Variants in SNTG1 observed in about 807,000 individuals in gnomAD.
SNTG1 encodes the protein gamma-1-syntrophin.
SNTG1 carries 39 observed loss-of-function variants against 74.7 expected under a neutral mutation model. That is an observed-to-expected ratio of 0.52 (90% CI 0.40 to 0.68). The LOEUF is 0.68. Among genes scored for constraint, SNTG1 ranks in the 30% least tolerant of loss-of-function variants. The pLI is 0.00. For missense variants in SNTG1, 685 were observed against 609.5 expected (o/e 1.12, Z -1.30); for synonymous variants, 254 against 217.1 (o/e 1.17, Z -1.49).
intron 10 of SNTG1, among the ~76,000 whole-genome samples, chr8:50,534,447 T>A (rs2094293181): frequency 6.6e-6 from 1 of 152,138 alleles, no homozygotes; most frequent in Admixed American, 6.5e-5. Flanking sequence ...TATTGCTTCT[T>A]CATGTTCCCT....
At chr8:50,261,530 A>G (rs1438367452) in intron 2 of SNTG1, among the ~76,000 whole-genome samples, 1 of 152,164 alleles carries the variant, frequency 6.6e-6, no homozygotes, top group Non-Finnish European at 1.5e-5. Flanking sequence ...AATAGACAAC[A>G]GATTACTACT....
chr8:50,102,430 T>C (rs1214911815), intron 1 of SNTG1, among the ~76,000 whole-genome samples: 1 of 148,944 alleles, frequency 6.7e-6, no homozygotes, highest in Non-Finnish European at 1.5e-5. Context: ...TGTAAATTTG[T>C]TTGAGTTCAT....
intron 2 of SNTG1, among the ~76,000 whole-genome samples, chr8:50,226,289 A>C (rs2132027703): frequency 6.6e-6 from 1 of 152,248 alleles, no homozygotes; most frequent in South Asian, 2.1e-4. Context: ...CTCACTTTCC[A>C]ATCTGACTCT....
At chr8:50,616,517 C>A (rs1486205207) in intron 13 of SNTG1, among the ~76,000 whole-genome samples, 2 of 152,198 alleles carry the variant, frequency 1.3e-5, no homozygotes, top group Non-Finnish European at 2.9e-5. Flanking sequence ...GTGAAAAAGC[C>A]TTGCTGGAGT....
intron 9 of SNTG1, among the ~76,000 whole-genome samples, chr8:50,507,174 T>C (rs1460269548): frequency 6.6e-6 from 1 of 152,100 alleles, no homozygotes; most frequent in Non-Finnish European, 1.5e-5. Flanking sequence ...ATTTCAGGAA[T>C]AAGTCACACT....
At chr8:50,537,451 C>G (rs1194451014) in intron 11 of SNTG1, among the ~76,000 whole-genome samples, 1 of 152,146 alleles carries the variant, frequency 6.6e-6, no homozygotes, top group Admixed American at 6.6e-5. Context: ...ATATTATTAT[C>G]TATTTTAGTA....
In SNTG1 at chr8:50,553,073, C is replaced by T. The variant is rs755805042; in HGVS notation, c.704C>T (p.Ala235Val). ...AGGCAGAATGCCTTTCAAGTCATTG[C>T]TGTGGATGGGGTCTGCACTGGGATT... ...LSRQNAFQVI[A>V]VDGVCTGIIQ... Residue 235 changes from alanine to valine, a missense_variant, in exon 12 of 19, where the codon GCT (alanine) becomes GTT (valine). Physicochemically the swap from Ala to Val is moderately conservative, Grantham distance 64 (BLOSUM62 0). Transcript: ENST00000642720. 6.2e-7 allele frequency: 1 copy of T among 1,613,746 alleles called. No homozygotes were observed.
At chr8:50,604,140 T>A (rs2094794938) in intron 13 of SNTG1, among the ~76,000 whole-genome samples, 1 of 152,194 alleles carries the variant, frequency 6.6e-6, no homozygotes, top group Non-Finnish European at 1.5e-5. Context: ...AGAAATCTAC[T>A]GGGTACAGAG....
intron 18 of SNTG1, among the ~76,000 whole-genome samples, chr8:50,787,323 TA>T (rs1554635417): frequency 1.3e-5 from 2 of 151,726 alleles, no homozygotes; most frequent in South Asian, 2.1e-4. Context: ...AATATTTTTT[TA>T]AAAAAAGAAA....
intron 9 of SNTG1, among the ~76,000 whole-genome samples, chr8:50,505,360 A>G (rs2093997313): frequency 6.6e-6 from 1 of 152,168 alleles, no homozygotes; most frequent in Admixed American, 6.6e-5. Flanking sequence ...CAGAAGTGGG[A>G]TTCCTGGATC....
chr8:50,175,075 G>C (rs2082947788), intron 2 of SNTG1, among the ~76,000 whole-genome samples: 1 of 151,998 alleles, frequency 6.6e-6, no homozygotes, highest in Non-Finnish European at 1.5e-5. Flanking sequence ...GTATTCCATG[G>C]TGTATATTTG....
intron 2 of SNTG1, among the ~76,000 whole-genome samples, chr8:50,255,441 C>G (rs1208328334): frequency 6.6e-6 from 1 of 152,160 alleles, no homozygotes; most frequent in Non-Finnish European, 1.5e-5. Context: ...AAGTGGCACT[C>G]AGTAGGTGGC....
intron 1 of SNTG1, among the ~76,000 whole-genome samples, chr8:50,080,725 G>A (rs531873651): frequency 1.3e-5 from 2 of 152,208 alleles, no homozygotes; most frequent in East Asian, 3.9e-4. Context: ...TGATCAATTT[G>A]TTATTGTAGT....
chr8:50,783,993 T>G (rs1370559838), intron 18 of SNTG1, among the ~76,000 whole-genome samples: 1 of 152,164 alleles, frequency 6.6e-6, no homozygotes, highest in African/African-American at 2.4e-5. Context: ...TTTATCAAAG[T>G]AAGGGAGAAT....
At chr8:50,021,970 AAAGAAG>A (rs1335139894) in intron 1 of SNTG1, among the ~76,000 whole-genome samples, 2 of 151,844 alleles carry the variant, frequency 1.3e-5, no homozygotes, top group Admixed American at 6.6e-5. Flanking sequence ...ATAAAAATAA[AAAGAAG>A]AAGAAGAAGA....
At chr8:50,420,819 G>A (rs1200240982) in intron 4 of SNTG1, among the ~76,000 whole-genome samples, 2 of 151,878 alleles carry the variant, frequency 1.3e-5, no homozygotes, top group Admixed American at 1.3e-4. Flanking sequence ...GAGGCCAAGA[G>A]ATCAAGACCA....
intron 1 of SNTG1, among the ~76,000 whole-genome samples, chr8:49,959,253 T>C (rs2129677940): frequency 6.6e-6 from 1 of 152,344 alleles, no homozygotes; most frequent in Non-Finnish European, 1.5e-5. Context: ...AAGAGCATGC[T>C]GGTGAAAAGC....
At chr8:50,282,510 A>G (rs1408343137) in intron 2 of SNTG1, among the ~76,000 whole-genome samples, 2 of 152,198 alleles carry the variant, frequency 1.3e-5, no homozygotes, top group Admixed American at 6.6e-5. Flanking sequence ...CTTTTTAGCC[A>G]GGTGCTAGAC....
chr8:50,647,920 C>T (rs2095120629), intron 13 of SNTG1, among the ~76,000 whole-genome samples: 1 of 151,820 alleles, frequency 6.6e-6, no homozygotes. Context: ...AAGAGATACA[C>T]TGTTTCTTTA....
Sources: gnomAD v4.1 joint callset for allele counts (sites outside exome capture counted in the v4.1 genomes callset) on GRCh38, gnomAD v4.1.1 for gene constraint, MANE v1.5 for transcripts, NCBI Gene and HGNC (gene_info 2026-07-23, HGNC 2026-07-21) for gene names.